Variants in MPP7 observed in about 807,000 individuals in gnomAD.
MPP7 encodes MAGUK p55 scaffold protein 7.
Under a neutral mutation model 76.5 loss-of-function variants are expected in MPP7, and 60 were observed. The ratio of observed to expected loss-of-function variants is 0.78; its 90% confidence interval spans 0.64 to 0.97. The LOEUF is 0.97. Ranked by LOEUF, MPP7 falls within the 50% of genes least tolerant of loss-of-function variation. The pLI, the probability that MPP7 is intolerant of heterozygous loss-of-function variation, is 0.00. For synonymous variants in MPP7, 237 were observed against 244.5 expected, an observed-to-expected ratio of 0.97 and a Z score of 0.29; for missense variants, 641 against 694.0, an observed-to-expected ratio of 0.92 and a Z score of 0.86.
chr10:28,116,516 A>T (rs934045197), intron 11 of MPP7, among the ~76,000 whole-genome samples: 1 of 152,258 alleles, frequency 6.6e-6, no homozygotes, highest in African/African-American at 2.4e-5. Context: ...CATATAAAAG[A>T]AAATCTATCA....
intron 12 of MPP7, among the ~76,000 whole-genome samples, chr10:28,070,422 A>G (rs1346897928): frequency 6.6e-6 from 1 of 152,192 alleles, no homozygotes; most frequent in African/African-American, 2.4e-5. Context: ...AGTATTACCA[A>G]ATAACAAGCT....
At chr10:28,331,839 T>G (rs1299226756) in intron 1 of MPP7, among the ~76,000 whole-genome samples, 1 of 152,140 alleles carries the variant, frequency 6.6e-6, no homozygotes, top group East Asian at 1.9e-4. Context: ...CCTCCCAAAG[T>G]GCGGGAATTA....
In MPP7 at chr10:28,069,820, G is replaced by A. The variant is rs201627414; in HGVS notation, c.1156C>T (p.Arg386Ter). The A allele has an allele frequency of 3.4e-5, 55 of 1,613,806 alleles. No individual in the cohort carries two copies. Among genetic ancestry groups the A allele is most frequent in the Non-Finnish European group, 3.9e-5 (46 of 1,179,984 alleles). ...TGGGTGTCACTGATCAGCAGCTTTC[G>A]TTTCAGTTCATTCAGCCCTACTCCC... ...PVGVGLNELK[R>*]KLLISDTQHY... The change falls in exon 13 of 17, where the codon CGA becomes TGA. Residue 386 changes from arginine (R) to a stop codon, truncating the protein, a stop_gained. Coordinates refer to ENST00000683449, the MANE Select transcript of MPP7 (RefSeq NM_001318170.2). LOFTEE classifies it high-confidence loss of function.
At chr10:28,197,109 C>T (rs532527633) in intron 3 of MPP7, among the ~76,000 whole-genome samples, 13 of 151,614 alleles carry the variant, frequency 8.6e-5, no homozygotes, top group South Asian at 6.3e-4. Flanking sequence ...TCCAGGTGTT[C>T]GCATCCATTA....
intron 3 of MPP7, among the ~76,000 whole-genome samples, chr10:28,162,402 G>A (rs1237565808): frequency 6.6e-6 from 1 of 152,006 alleles, no homozygotes; most frequent in East Asian, 1.9e-4. Flanking sequence ...CAGGTCAGGA[G>A]ACTCTGAAAT....
intron 1 of MPP7, among the ~76,000 whole-genome samples, chr10:28,257,567 G>A (rs1839823582): frequency 7.2e-6 from 1 of 138,104 alleles, no homozygotes; most frequent in Admixed American, 7.7e-5. Context: ...GACACAGGAA[G>A]GGGAATATCA....
intron 11 of MPP7, among the ~76,000 whole-genome samples, chr10:28,106,278 C>T (rs1398178263): frequency 1.3e-5 from 2 of 152,160 alleles, no homozygotes; most frequent in Non-Finnish European, 2.9e-5. Flanking sequence ...CCTCTCGCTA[C>T]TAAAAGCAGA....
At chr10:28,255,342 G>T (rs61845912) in intron 1 of MPP7, among the ~76,000 whole-genome samples, 4,707 of 151,900 alleles carry the variant, frequency 0.031, 118 homozygotes, top group South Asian at 0.052. Context: ...TCAAACTCCT[G>T]ACCTCAAATG....
intron 5 of MPP7, among the ~76,000 whole-genome samples, chr10:28,143,718 T>C (rs1835604542): frequency 6.7e-6 from 1 of 150,208 alleles, no homozygotes; most frequent in Admixed American, 6.6e-5. Context: ...AAGTTCACTC[T>C]AGTGGTGACT....
chr10:28,109,848 C>CAAAAAAAAAA lies in MPP7; in HGVS notation c.952+9793_952+9802dup, dbSNP rs869206744. 3.4e-3 allele frequency among the ~76,000 whole-genome samples: 66 copies of CAAAAAAAAAA among 19,208 alleles called. 5 individuals carry two copies. Among genetic ancestry groups the CAAAAAAAAAA allele is most frequent in the African/African-American group, 0.011 (46 of 4,032 alleles). The allele number at this position is 19,208 out of a possible 152,430, so 12.6% of individuals were successfully genotyped here. A position where few individuals can be genotyped will look rare whatever the true frequency, so the allele number is the denominator to read the frequency against. ...ACAGTTAGAAGGCCAGCCGCAGACG[C>CAAAAAAAAAA]AAAAAAAAAAAAAAAAAAAAAAAAA... On this transcript the variant is annotated intron_variant, in intron 11 of 16. Transcript: ENST00000683449.
intron 1 of MPP7, among the ~76,000 whole-genome samples, chr10:28,297,358 G>A (rs376897595): frequency 1.3e-5 from 2 of 152,276 alleles, no homozygotes; most frequent in East Asian, 1.9e-4. Flanking sequence ...GACTGAACAA[G>A]GTGCTGGCTG....
intron 1 of MPP7, among the ~76,000 whole-genome samples, chr10:28,239,300 C>A (rs1839187126): frequency 6.6e-6 from 1 of 151,856 alleles, no homozygotes; most frequent in Admixed American, 6.6e-5. Context: ...GGCCCGCCAC[C>A]AAGCCTGGCT....
intron 1 of MPP7, among the ~76,000 whole-genome samples, chr10:28,265,582 C>A (rs1464514877): frequency 6.6e-6 from 1 of 152,084 alleles, no homozygotes; most frequent in Non-Finnish European, 1.5e-5. Context: ...CAAAAAATGC[C>A]TTTACATCTT....
chr10:28,172,033 C>T (rs1836698986), intron 3 of MPP7, among the ~76,000 whole-genome samples: 1 of 152,180 alleles, frequency 6.6e-6, no homozygotes, highest in Non-Finnish European at 1.5e-5. Context: ...CCCAGCAGCA[C>T]AAGAGCCTGT....
chr10:28,228,126 G>GA (rs896495835), intron 2 of MPP7, among the ~76,000 whole-genome samples: 8 of 151,830 alleles, frequency 5.3e-5, no homozygotes, highest in African/African-American at 1.5e-4. Flanking sequence ...ACTGTTGGAG[G>GA]AAAAAAGCAA....
intron 1 of MPP7, among the ~76,000 whole-genome samples, chr10:28,289,620 G>C (rs893564065): frequency 6.6e-6 from 1 of 152,134 alleles, no homozygotes; most frequent in African/African-American, 2.4e-5. Flanking sequence ...GGCCACTATG[G>C]AGACTTTGCC....
At chr10:28,118,858 G>A (rs1834739568) in intron 11 of MPP7, 3 of 985,394 alleles carry the variant, frequency 3.0e-6, no homozygotes, top group East Asian at 1.1e-4. Flanking sequence ...AAAAACAGAT[G>A]TTGGTGTAAA....
chr10:28,248,798 T>C (rs1839519842), intron 1 of MPP7, among the ~76,000 whole-genome samples: 1 of 152,172 alleles, frequency 6.6e-6, no homozygotes, highest in African/African-American at 2.4e-5. Context: ...ACTGTACAGG[T>C]TTCTGGCCTA....
chr10:28,057,452 C>T (rs537758472), intron 15 of MPP7, among the ~76,000 whole-genome samples: 9 of 152,150 alleles, frequency 5.9e-5, no homozygotes, highest in Admixed American at 2.6e-4. Flanking sequence ...GCTCCTCTCT[C>T]TCTCTTCCTC....
Sources: gnomAD v4.1 joint callset for allele counts (sites outside exome capture counted in the v4.1 genomes callset) on GRCh38, gnomAD v4.1.1 for gene constraint, MANE v1.5 for transcripts, NCBI Gene and HGNC (gene_info 2026-07-23, HGNC 2026-07-21) for gene names.